C2CD5: variants seen among roughly 807,000 people sequenced by gnomAD.
The protein encoded by C2CD5 is C2 calcium dependent domain containing 5.
C2CD5 carries 109 observed loss-of-function variants against 130.3 expected under a neutral mutation model. The ratio of observed to expected loss-of-function variants is 0.84; its 90% CI spans 0.72 to 0.98. C2CD5 has a LOEUF of 0.98. Ranked by LOEUF, C2CD5 falls within the 50% of genes least tolerant of loss-of-function variation. The pLI, the probability that C2CD5 is intolerant of heterozygous loss-of-function variation, is 0.00. For synonymous variants in C2CD5, 454 were observed against 429.2 expected (o/e 1.06, Z -0.71); for missense variants, 996 against 1,261.8 (o/e 0.79, Z 3.19).
rs1252421654 is a variant in C2CD5, at chr12:22,474,846, G to A, written c.1948C>T (p.Gln650Ter). Residue 650 changes from glutamine (Q) to a stop codon, truncating the protein, a stop_gained, in exon 16 of 27, where the codon CAA becomes TAA. Coordinates refer to ENST00000446597, the MANE Select transcript of C2CD5 (RefSeq NM_001286176.2). LOFTEE classifies it high-confidence loss of function. ...TGAGATCTTAGAAGTCTTGAGCGTT[G>A]CCTAGGTTCTGGGATGGGTGATCCT... ...IIGSPIPEPR[Q>*]RSRLLRSQSE... The A allele has an allele frequency of 1.2e-6, 2 of 1,607,116 alleles. No homozygotes were observed. The highest frequency in any genetic ancestry group is 1.3e-5 in the African/African-American group (1 of 74,804).
chr12:22,521,898 T>C (rs1034491409), intron 7 of C2CD5, among the ~76,000 whole-genome samples: 15 of 152,202 alleles, frequency 9.9e-5, no homozygotes, highest in Admixed American at 3.3e-4. Context: ...TTTTTCATAC[T>C]ATGATACCTT....
chr12:22,540,759 T>A (rs1238222666), intron 2 of C2CD5, among the ~76,000 whole-genome samples: 1 of 152,118 alleles, frequency 6.6e-6, no homozygotes. Flanking sequence ...CTCTGGAGGC[T>A]GAGGCAGGAC....
intron 3 of C2CD5, among the ~76,000 whole-genome samples, chr12:22,530,111 T>TATATATACACAC (rs1301636778): frequency 9.1e-5 from 8 of 87,550 alleles, no homozygotes; most frequent in African/African-American, 1.3e-4. Flanking sequence ...TATATATATA[T>TATATATACACAC]ACACACACAC....
At chr12:22,470,953 G>T in intron 20 of C2CD5, 42 bp from the exon 21 acceptor site, 4 of 1,357,674 alleles carry the variant, frequency 2.9e-6, no homozygotes, top group African/African-American at 1.4e-5. Context: ...AATAATCACT[G>T]CCAAAACTAA....
intron 3 of C2CD5, among the ~76,000 whole-genome samples, chr12:22,530,111 TAC>T (rs199603129): frequency 0.066 from 5,699 of 86,866 alleles, 205 homozygotes; most frequent in East Asian, 0.072. Flanking sequence ...TATATATATA[TAC>T]ACACACACAC....
Position 22,471,949 on chromosome 12 carries a change from TAGTC to T in C2CD5, c.2268+14_2268+17del. ...TATTATAGACGCATGAAATAAAATT[TAGTC>T]AGAAGGTTCCTACCTTGAGCAAATT... On this transcript the variant is annotated intron_variant, in intron 19 of 26. Coordinates refer to ENST00000446597, the MANE Select transcript of C2CD5 (RefSeq NM_001286176.2). 1 of 1,317,950 alleles carries T rather than the reference TAGTC, an allele frequency of 7.6e-7. No homozygotes were observed. Among genetic ancestry groups the T allele is most frequent in the Non-Finnish European group, 1.1e-6 (1 of 910,702 alleles). 81.6% of individuals were successfully genotyped at this position (1,317,950 alleles called of 1,614,324 possible). A position where few individuals can be genotyped will look rare whatever the true frequency, so the allele number is the denominator to read the frequency against.
At chr12:22,524,367 T>A in intron 6 of C2CD5, 105 bp downstream of exon 6, 1 of 907,754 alleles carries the variant, frequency 1.1e-6, no homozygotes, top group South Asian at 1.5e-5. Context: ...CAGTCACTTA[T>A]AATTCATAGC....
At chr12:22,505,548 T>C (rs1298107714) in intron 10 of C2CD5, among the ~76,000 whole-genome samples, 1 of 152,180 alleles carries the variant, frequency 6.6e-6, no homozygotes, top group Non-Finnish European at 1.5e-5. Flanking sequence ...TTCAAAAATA[T>C]ATACGTCTAT....
chr12:22,486,388 C>G (rs1945521154), intron 12 of C2CD5, among the ~76,000 whole-genome samples: 1 of 152,190 alleles, frequency 6.6e-6, no homozygotes, highest in South Asian at 2.1e-4. Flanking sequence ...TTCCTTTCCC[C>G]ATATCAGTGC....
chr12:22,538,600 C>T (rs1197981272), intron 2 of C2CD5, among the ~76,000 whole-genome samples: 1 of 152,188 alleles, frequency 6.6e-6, no homozygotes, highest in Non-Finnish European at 1.5e-5. Context: ...GACCTCTCCT[C>T]CTAATTTTTG....
chr12:22,476,030 A>G (rs192598703), intron 15 of C2CD5, among the ~76,000 whole-genome samples: 28 of 152,276 alleles, frequency 1.8e-4, no homozygotes, highest in African/African-American at 6.7e-4. Context: ...CTTAACAAAT[A>G]TAACTGTCTG....
intron 10 of C2CD5, chr12:22,502,872 A>G: frequency 1.2e-6 from 1 of 859,342 alleles, no homozygotes; most frequent in South Asian, 1.5e-5. Context: ...AACAAAAAAC[A>G]CTACAAACAA....
intron 8 of C2CD5, among the ~76,000 whole-genome samples, chr12:22,517,160 T>TA (rs1424538545): frequency 6.6e-6 from 1 of 151,914 alleles, no homozygotes; most frequent in East Asian, 1.9e-4. Context: ...CATATAGGGC[T>TA]ACTAAAAATA....
At chr12:22,484,917 T>C (rs1455726450) in intron 12 of C2CD5, 29 bp from the exon 13 acceptor site, 3 of 1,172,178 alleles carry the variant, frequency 2.6e-6, no homozygotes, top group Non-Finnish European at 3.5e-6. Context: ...AAATAAGATA[T>C]TCTTTAAAAA....
chr12:22,523,991 C>T (rs1950513008), intron 6 of C2CD5, among the ~76,000 whole-genome samples: 1 of 151,710 alleles, frequency 6.6e-6, no homozygotes, highest in South Asian at 2.1e-4. Context: ...AAACAGTAAA[C>T]AAGTTTTTCA....
chr12:22,539,247 T>A (rs1952113016), intron 2 of C2CD5, among the ~76,000 whole-genome samples: 1 of 152,188 alleles, frequency 6.6e-6, no homozygotes. Context: ...TTCTGTCTTC[T>A]TACTTGACCT....
rs1946598001 is a variant in C2CD5, at chr12:22,493,338, C to G, written c.1148-1G>C. 3 of 1,572,266 alleles carry G rather than the reference C, an allele frequency of 1.9e-6. No homozygotes were observed. Among genetic ancestry groups the G allele is most frequent in the Non-Finnish European group, 2.6e-6 (3 of 1,145,388 alleles). On this transcript the variant is annotated splice_acceptor_variant, in intron 10 of 26. Transcript: ENST00000446597. LOFTEE classifies it high-confidence loss of function. ...CATGCATCTCGAGTTTCTGGTTCAT[C>G]TGAAAAATAAATTTTAAATCAGTTT...
At position 22,523,271 on chromosome 12, in the gene C2CD5, A is replaced by G. The variant is rs1258685701; in HGVS notation, c.800+155T>C. On this transcript the variant is annotated intron_variant, in intron 7 of 26. Transcript: ENST00000446597. ...TAAATAAAATATTAGGAATATTTAA[A>G]TATTTTTAAGTTTTAAATTTTGACA... 1.3e-5 allele frequency among the ~76,000 whole-genome samples: 2 copies of G among 152,210 alleles called. 1 individual carries two copies. Among genetic ancestry groups the G allele is most frequent in the Middle Eastern group, 6.3e-3 (2 of 316 alleles).
intron 3 of C2CD5, among the ~76,000 whole-genome samples, chr12:22,531,271 A>T (rs1247557979): frequency 2.0e-5 from 3 of 152,260 alleles, no homozygotes; most frequent in Admixed American, 6.5e-5. Flanking sequence ...AGCTAAAAGA[A>T]AAATTTGTAC....
Sources: gnomAD v4.1 joint callset for allele counts (sites outside exome capture counted in the v4.1 genomes callset) on GRCh38, gnomAD v4.1.1 for gene constraint, MANE v1.5 for transcripts, NCBI Gene and HGNC (gene_info 2026-07-23, HGNC 2026-07-21) for gene names.